PCDH11X: variants seen among roughly 807,000 people sequenced by gnomAD.
The protein encoded by PCDH11X is protocadherin-11 X-linked.
PCDH11X carries 18 observed loss-of-function variants against 53.3 expected under a neutral mutation model. The ratio of observed to expected loss-of-function variants is 0.34; its 90% CI spans 0.23 to 0.50. The LOEUF (loss-of-function observed/expected upper bound fraction) is 0.50, where lower values mean the gene tolerates loss of function less well. PCDH11X is among the 20% of genes least tolerant of loss of function. The pLI, the probability that PCDH11X is intolerant of heterozygous loss-of-function variation, is 0.98. For synonymous variants in PCDH11X, 279 were observed against 393.3 expected (o/e 0.71, Z 3.44); for missense variants, 570 against 1,032.4 (o/e 0.55, Z 6.14).
intron 6 of PCDH11X, among the ~76,000 whole-genome samples, chrX:91,989,344 C>T (rs1470484738): frequency 9.0e-6 from 1 of 111,126 alleles, no homozygotes; most frequent in Non-Finnish European, 1.9e-5. Flanking sequence ...GGGCAGATCA[C>T]GAGGTCAGGA....
At chrX:92,613,548 TGTGTGTGTGTG>T (rs1927635042) in intron 10 of PCDH11X, among the ~76,000 whole-genome samples, 1 of 51,677 alleles carries the variant, frequency 1.9e-5, no homozygotes, top group South Asian at 6.3e-4. Flanking sequence ...GTTGTTGTTG[TGTGTGTGTGTG>T]TGTGTGTGTG....
At chrX:92,162,245 G>A (rs1466552337) in intron 6 of PCDH11X, among the ~76,000 whole-genome samples, 3 of 103,570 alleles carry the variant, frequency 2.9e-5, no homozygotes, top group Admixed American at 1.1e-4. Flanking sequence ...ATGCTGGAGT[G>A]CAGTGGTGCG....
intron 1 of PCDH11X, among the ~76,000 whole-genome samples, chrX:91,791,670 A>G (rs1184984217): frequency 2.1e-5 from 2 of 94,908 alleles, no homozygotes; most frequent in Admixed American, 1.1e-4. Context: ...AAAATACCCT[A>G]TATCTTTTTA....
intron 5 of PCDH11X, among the ~76,000 whole-genome samples, chrX:91,846,003 TAA>T (rs1937630937): frequency 9.0e-6 from 1 of 111,585 alleles, no homozygotes; most frequent in Non-Finnish European, 1.9e-5. Flanking sequence ...GGATGTTTTG[TAA>T]ATTGTAATCT....
At chrX:92,067,800 C>T (rs1264145161) in intron 6 of PCDH11X, among the ~76,000 whole-genome samples, 1 of 111,431 alleles carries the variant, frequency 9.0e-6, no homozygotes, top group African/African-American at 3.3e-5. Flanking sequence ...TCAGGCTTTT[C>T]TTTCCTGGGA....
intron 10 of PCDH11X, among the ~76,000 whole-genome samples, chrX:92,533,338 C>T (rs942321051): frequency 3.7e-4 from 41 of 110,084 alleles, no homozygotes; most frequent in Non-Finnish European, 6.6e-4. Context: ...AAAAAATGTC[C>T]TACTTAACAT....
intron 6 of PCDH11X, among the ~76,000 whole-genome samples, chrX:92,020,890 G>A (rs945115265): frequency 2.7e-4 from 30 of 111,033 alleles, no homozygotes; most frequent in African/African-American, 9.5e-4. Flanking sequence ...ACATCTCCAG[G>A]CACAGGAGTG....
chrX:91,919,801 T>C lies in PCDH11X; in HGVS notation c.3033+40528T>C, dbSNP rs1466492273. Among the ~76,000 whole-genome samples the C allele has an allele frequency of 4.2e-4, 47 of 111,599 alleles. 1 individual carries two copies. The highest frequency in any genetic ancestry group is 7.0e-4 in the Non-Finnish European group (37 of 52,943). On this transcript the variant is annotated intron_variant, in intron 6 of 10. Coordinates refer to ENST00000682573, the MANE Select transcript of PCDH11X (RefSeq NM_032968.5). ...AAAAAAGAAAGTAAAAAAAATGAAG[T>C]TTAGGTTTGATAAAGATTACTTTTA...
chrX:91,958,098 A>G (rs189869005), intron 6 of PCDH11X, among the ~76,000 whole-genome samples: 2,946 of 110,818 alleles, frequency 0.027, 97 homozygotes, highest in African/African-American at 0.093. Context: ...CCTTATCTGG[A>G]CCATCTGTAT....
chrX:92,320,654 G>A (rs6618961), intron 8 of PCDH11X, among the ~76,000 whole-genome samples: 8,245 of 110,454 alleles, frequency 0.075, 941 homozygotes, highest in East Asian at 0.62. Context: ...GTATACTCAC[G>A]TTAATTAAAG....
At chrX:92,490,405 G>C (rs779824109) in intron 10 of PCDH11X, among the ~76,000 whole-genome samples, 33 of 111,751 alleles carry the variant, frequency 3.0e-4, no homozygotes, top group African/African-American at 1.0e-3. Flanking sequence ...TGATGAAGCT[G>C]TCAAGTTTAT....
At chrX:92,290,070 AT>A (rs1286108069) in intron 8 of PCDH11X, among the ~76,000 whole-genome samples, 2 of 111,768 alleles carry the variant, frequency 1.8e-5, no homozygotes, top group Non-Finnish European at 3.8e-5. Flanking sequence ...CGATCAAATA[AT>A]TTTTTATCAG....
At chrX:91,846,443 A>C (rs866912948) in intron 5 of PCDH11X, among the ~76,000 whole-genome samples, 1 of 109,602 alleles carries the variant, frequency 9.1e-6, no homozygotes, top group African/African-American at 3.3e-5. Flanking sequence ...TGGTGAAACC[A>C]AGTCTCTACT....
At chrX:92,506,221 T>TTCTTTTTTTTTTTTTTTTTTTC (rs200387137) in intron 10 of PCDH11X, among the ~76,000 whole-genome samples, 1 of 81,884 alleles carries the variant, frequency 1.2e-5, no homozygotes, top group Non-Finnish European at 2.3e-5. Flanking sequence ...CTTTTCTTTT[T>TTCTTTTTTTTTTTTTTTTTTTC]TTTTTTTTTT....
At chrX:92,112,471 A>G (rs952178309) in intron 6 of PCDH11X, among the ~76,000 whole-genome samples, 5 of 110,789 alleles carry the variant, frequency 4.5e-5, no homozygotes, top group African/African-American at 1.3e-4. Context: ...GAGTTAAACT[A>G]TTAATGATTT....
At chrX:92,580,935 G>T (rs1275534002) in intron 10 of PCDH11X, among the ~76,000 whole-genome samples, 1 of 110,474 alleles carries the variant, frequency 9.1e-6, no homozygotes, top group Non-Finnish European at 1.9e-5. Context: ...CTCTCTGTGG[G>T]TCATGCCAAC....
intron 9 of PCDH11X, chrX:92,460,770 G>T: frequency 8.6e-7 from 1 of 1,164,306 alleles, no homozygotes; most frequent in Admixed American, 2.3e-5. Flanking sequence ...GAACATCAAG[G>T]TCAAGCTGGA....
At chrX:92,053,958 T>A (rs868233859) in intron 6 of PCDH11X, among the ~76,000 whole-genome samples, 108 of 111,821 alleles carry the variant, frequency 9.7e-4, no homozygotes, top group Non-Finnish European at 1.7e-3. Flanking sequence ...CTCAGAACTG[T>A]TATCCCCATT....
intron 6 of PCDH11X, among the ~76,000 whole-genome samples, chrX:91,944,775 C>T (rs1027728171): frequency 3.7e-5 from 4 of 108,386 alleles, no homozygotes; most frequent in Non-Finnish European, 5.8e-5. Context: ...CATTTAGCAT[C>T]GTATTTTCAT....
Sources: gnomAD v4.1 joint callset for allele counts (sites outside exome capture counted in the v4.1 genomes callset) on GRCh38, gnomAD v4.1.1 for gene constraint, MANE v1.5 for transcripts, NCBI Gene and HGNC (gene_info 2026-07-23, HGNC 2026-07-21) for gene names.